PTN: variants seen among roughly 807,000 people sequenced by gnomAD.
PTN encodes the protein pleiotrophin.
Under a neutral mutation model 24.1 loss-of-function variants are expected in PTN, and 18 were observed. That is an observed-to-expected ratio of 0.75 (90% CI 0.52 to 1.11). PTN has a LOEUF of 1.11. Ranked by LOEUF, PTN falls within the 50% of genes least tolerant of loss-of-function variation. The probability of loss-of-function intolerance (pLI) is 0.00; values close to 1 mark genes in which losing one functional copy is unlikely to be tolerated. For missense variants in PTN, 163 were observed against 198.8 expected (o/e 0.82, Z 1.08); for synonymous variants, 78 against 68.6 (o/e 1.14, Z -0.67).
chr7:137,256,482 C>A (rs919398398), intron 1 of PTN, among the ~76,000 whole-genome samples: 2 of 152,164 alleles, frequency 1.3e-5, no homozygotes, highest in Non-Finnish European at 2.9e-5. Flanking sequence ...CATGTCCCTG[C>A]AAAGGACATG....
In PTN at chr7:137,343,733, T is replaced by C. The variant is rs1369862784; in HGVS notation, c.-296A>G. The C allele has an allele frequency of 2.2e-6, 1 of 447,634 alleles. No homozygotes were observed. Among genetic ancestry groups the C allele is most frequent in the South Asian group, 1.6e-5 (1 of 62,684 alleles). The allele number at this position is 447,634 out of a possible 1,614,324, so 27.7% of individuals were successfully genotyped here. ...GAGGGAACGGAAGGGAAATGGAGAATGGGAGGGATGAGAGGAGCGGGCCAG... is the reference window on the plus strand; with the variant it reads ...GAGGGAACGGAAGGGAAATGGAGAACGGGAGGGATGAGAGGAGCGGGCCAG... On this transcript the variant is annotated 5_prime_UTR_variant, in exon 1 of 5. Coordinates refer to ENST00000348225, the MANE Select transcript of PTN (RefSeq NM_002825.7).
intron 1 of PTN, among the ~76,000 whole-genome samples, chr7:137,340,421 G>A (rs1810515963): frequency 6.6e-6 from 1 of 152,162 alleles, no homozygotes; most frequent in Admixed American, 6.5e-5. Flanking sequence ...ACACTAGACT[G>A]GCTTGAAGTG....
chr7:137,312,862 T>C (rs1192456395), intron 1 of PTN, among the ~76,000 whole-genome samples: 1 of 152,202 alleles, frequency 6.6e-6, no homozygotes, highest in Non-Finnish European at 1.5e-5. Flanking sequence ...ACTAATTTAC[T>C]ACTCTTTACC....
At chr7:137,257,677 A>G (rs1808958240) in intron 1 of PTN, among the ~76,000 whole-genome samples, 3 of 152,230 alleles carry the variant, frequency 2.0e-5, no homozygotes, top group African/African-American at 7.2e-5. Flanking sequence ...TTGATTCAGA[A>G]CTTTTAAATT....
At chr7:137,257,923 A>G (rs998316260) in intron 1 of PTN, among the ~76,000 whole-genome samples, 1 of 152,212 alleles carries the variant, frequency 6.6e-6, no homozygotes, top group African/African-American at 2.4e-5. Flanking sequence ...CTGGAGAAAT[A>G]TGATAACTTG....
At chr7:137,255,015 T>C (rs1808896608) in intron 1 of PTN, 41 bp from the exon 2 acceptor site, 11 of 1,405,464 alleles carry the variant, frequency 7.8e-6, no homozygotes, top group Non-Finnish European at 1.1e-5. Context: ...GGCATTAACC[T>C]AAGTCAGAAA....
intron 1 of PTN, among the ~76,000 whole-genome samples, chr7:137,294,893 C>T (rs898005960): frequency 6.6e-6 from 1 of 152,054 alleles, no homozygotes; most frequent in Non-Finnish European, 1.5e-5. Flanking sequence ...TAAAGTGGCT[C>T]ACAGAATTTT....
At chr7:137,241,928 T>C (rs1442454856) in intron 4 of PTN, among the ~76,000 whole-genome samples, 1 of 152,082 alleles carries the variant, frequency 6.6e-6, no homozygotes, top group African/African-American at 2.4e-5. Flanking sequence ...CAGCCTGTGG[T>C]GGGATTCTGC....
intron 1 of PTN, among the ~76,000 whole-genome samples, chr7:137,341,476 T>A (rs1360305445): frequency 6.6e-6 from 1 of 152,082 alleles, no homozygotes; most frequent in Non-Finnish European, 1.5e-5. Context: ...GAATTATATA[T>A]AATACATATA....
At chr7:137,235,581 G>C (rs926321445) in intron 4 of PTN, among the ~76,000 whole-genome samples, 4 of 152,130 alleles carry the variant, frequency 2.6e-5, no homozygotes, top group African/African-American at 9.7e-5. Context: ...CAATAATTTT[G>C]TTGTTTCTTC....
Position 137,297,884 on chromosome 7 carries a change from G to C in PTN, c.-1-42910C>G, listed in dbSNP as rs367751658. Among the ~76,000 whole-genome samples, 10 of 119,906 alleles carry C rather than the reference G, an allele frequency of 8.3e-5. No individual in the cohort carries two copies. In the East Asian group the frequency reaches 2.0e-3, roughly 24 times the overall value. The allele number at this position is 119,906 out of a possible 152,430, so 78.7% of individuals were successfully genotyped here. ...AAGTTAGATCAAGAAGATATCCAAG[G>C]GGCTAGAAGCTTTCCAAAGTGGGCA... On this transcript the variant is annotated intron_variant, in intron 1 of 4. Transcript: ENST00000348225.
chr7:137,229,277 T>C (rs1301757219), intron 4 of PTN, among the ~76,000 whole-genome samples: 1 of 151,766 alleles, frequency 6.6e-6, no homozygotes, highest in Non-Finnish European at 1.5e-5. Context: ...TCAAGGCATA[T>C]TGATTGAGCA....
At chr7:137,233,806 T>C (rs1237129608) in intron 4 of PTN, among the ~76,000 whole-genome samples, 1 of 151,758 alleles carries the variant, frequency 6.6e-6, no homozygotes, top group Non-Finnish European at 1.5e-5. Flanking sequence ...GTTTCTCCTC[T>C]TGGGGTTATT....
chr7:137,271,394 T>G (rs1445900093), intron 1 of PTN, among the ~76,000 whole-genome samples: 1 of 152,226 alleles, frequency 6.6e-6, no homozygotes, highest in Non-Finnish European at 1.5e-5. Context: ...TGTTCCCTAT[T>G]AATCTTTACA....
At chr7:137,319,441 C>T (rs917682330) in intron 1 of PTN, among the ~76,000 whole-genome samples, 2 of 152,172 alleles carry the variant, frequency 1.3e-5, no homozygotes, top group African/African-American at 2.4e-5. Context: ...TTTGGGGAGT[C>T]GTTCCTTAAA....
At chr7:137,337,156 C>T (rs757616337) in intron 1 of PTN, among the ~76,000 whole-genome samples, 7 of 152,152 alleles carry the variant, frequency 4.6e-5, no homozygotes, top group Non-Finnish European at 1.0e-4. Flanking sequence ...CTACACATGA[C>T]GCTAGTTAAT....
intron 1 of PTN, among the ~76,000 whole-genome samples, chr7:137,334,853 C>A (rs1213590771): frequency 6.6e-6 from 1 of 151,896 alleles, no homozygotes; most frequent in African/African-American, 2.4e-5. Context: ...CCATGGAATA[C>A]TATGCAGCCA....
chr7:137,330,317 G>A (rs975050444), intron 1 of PTN, among the ~76,000 whole-genome samples: 1 of 151,940 alleles, frequency 6.6e-6, no homozygotes, highest in Admixed American at 6.6e-5. Flanking sequence ...GAAGGAGAAA[G>A]AGAAGGAGGA....
intron 1 of PTN, among the ~76,000 whole-genome samples, chr7:137,285,988 C>T (rs142137225): frequency 4.6e-5 from 7 of 151,916 alleles, no homozygotes; most frequent in African/African-American, 7.2e-5. Flanking sequence ...TTTTCACATA[C>T]GTAGGAAATA....
Sources: gnomAD v4.1 joint callset for allele counts (sites outside exome capture counted in the v4.1 genomes callset) on GRCh38, gnomAD v4.1.1 for gene constraint, MANE v1.5 for transcripts, NCBI Gene and HGNC (gene_info 2026-07-23, HGNC 2026-07-21) for gene names.